The following DLGAP1 variants were observed in gnomAD, a reference collection of about 807,000 sequenced individuals.
DLGAP1 encodes DLG associated protein 1, also known as disks large-associated protein 1.
Under a neutral mutation model 90.8 loss-of-function variants are expected in DLGAP1, and 11 were observed. That is an observed-to-expected ratio of 0.12 (90% CI 0.08 to 0.20). The LOEUF (loss-of-function observed/expected upper bound fraction) is 0.20. Among genes scored for constraint, DLGAP1 ranks in the 10% least tolerant of loss-of-function variants. DLGAP1 has a pLI of 1.00. For missense variants in DLGAP1, 1,050 were observed against 1,333.8 expected (o/e 0.79, Z 3.31); for synonymous variants, 558 against 540.7 (o/e 1.03, Z -0.44).
intron 3 of DLGAP1, among the ~76,000 whole-genome samples, chr18:3,967,724 T>C (rs1379574777): frequency 6.6e-6 from 1 of 152,226 alleles, no homozygotes; most frequent in Non-Finnish European, 1.5e-5. Context: ...TATTTTGTCT[T>C]AAAGAGCATT....
intron 3 of DLGAP1, among the ~76,000 whole-genome samples, chr18:3,923,852 TA>T (rs1466610851): frequency 2.0e-5 from 3 of 152,194 alleles, no homozygotes; most frequent in Non-Finnish European, 4.4e-5. Context: ...AGGAGAATCA[TA>T]AAATTACATC....
At chr18:4,420,901 G>T (rs763695968) in intron 1 of DLGAP1, among the ~76,000 whole-genome samples, 1 of 152,024 alleles carries the variant, frequency 6.6e-6, no homozygotes, top group Non-Finnish European at 1.5e-5. Context: ...TATTGATAAG[G>T]TACCCTTAGT....
intron 1 of DLGAP1, among the ~76,000 whole-genome samples, chr18:4,216,130 T>C (rs2077949043): frequency 6.6e-6 from 1 of 152,018 alleles, no homozygotes; most frequent in Non-Finnish European, 1.5e-5. Flanking sequence ...AAACTTACAA[T>C]CATGGCACAA....
At chr18:3,507,724 C>G (rs913759968) in intron 11 of DLGAP1, among the ~76,000 whole-genome samples, 1 of 141,568 alleles carries the variant, frequency 7.1e-6, no homozygotes, top group East Asian at 2.1e-4. Flanking sequence ...GCAATAAAAG[C>G]TATTCTTGAA....
chr18:4,158,405 C>T (rs1014896420), intron 1 of DLGAP1, among the ~76,000 whole-genome samples: 1 of 152,090 alleles, frequency 6.6e-6, no homozygotes, highest in African/African-American at 2.4e-5. Flanking sequence ...TCCTGCTTTC[C>T]GAATAAGGGA....
rs1568498985 is a variant in DLGAP1 at position 4,299,289 on chromosome 18, CCTG to C, written c.-266-148005_-266-148003del. Among the ~76,000 whole-genome samples the C allele has an allele frequency of 7.9e-5, 12 of 152,100 alleles. No homozygotes were observed. In the South Asian group the frequency reaches 2.5e-3, roughly 32 times the overall value. On this transcript the variant is annotated intron_variant, in intron 1 of 12. Coordinates refer to ENST00000315677, the MANE Select transcript of DLGAP1 (RefSeq NM_004746.4). ...TAACAGTAGCTCCATTTGACAGTGC[CCTG>C]CTAACACAAATTCATTTTGAAAGAA...
intron 4 of DLGAP1, chr18:3,874,888 T>A (rs2070957228): frequency 1.3e-6 from 1 of 767,010 alleles, no homozygotes. Flanking sequence ...TTGACCGTAT[T>A]AACTGGGACT....
intron 7 of DLGAP1, among the ~76,000 whole-genome samples, chr18:3,720,139 T>C (rs1416457308): frequency 6.6e-6 from 1 of 152,200 alleles, no homozygotes; most frequent in Non-Finnish European, 1.5e-5. Flanking sequence ...ATTCTAGGGA[T>C]AAAAGCTAAT....
intron 1 of DLGAP1, among the ~76,000 whole-genome samples, chr18:4,170,110 C>G (rs1190985650): frequency 1.3e-5 from 2 of 151,984 alleles, no homozygotes; most frequent in Non-Finnish European, 2.9e-5. Flanking sequence ...CTTCCATCAT[C>G]AAGTGATGAT....
intron 3 of DLGAP1, among the ~76,000 whole-genome samples, chr18:3,932,427 G>A (rs913203602): frequency 6.6e-6 from 1 of 152,196 alleles, no homozygotes; most frequent in East Asian, 1.9e-4. Context: ...ACCCCCACAA[G>A]GACTGTGCCA....
At chr18:3,728,738 T>C (rs541105384) in intron 7 of DLGAP1, among the ~76,000 whole-genome samples, 90 of 152,314 alleles carry the variant, frequency 5.9e-4, no homozygotes, top group African/African-American at 2.0e-3. Context: ...ATTTCAATTC[T>C]GTGATGGGTC....
chr18:3,926,409 T>TAC lies in DLGAP1; in HGVS notation c.-72-46270_-72-46269insGT, dbSNP rs1325582316. Among the ~76,000 whole-genome samples, 291 of 36,046 alleles carry TAC rather than the reference T, an allele frequency of 8.1e-3. 2 individuals are homozygous for TAC. Among genetic ancestry groups the TAC allele is most frequent in the African/African-American group, 0.024 (280 of 11,662 alleles). The allele number at this position is 36,046 out of a possible 152,430, so 23.6% of individuals were successfully genotyped here. ...CTAGTGTAAGCAAATGACATATATA[T>TAC]ATATATATATATACACACACACACA... On this transcript the variant is annotated intron_variant, in intron 3 of 12. Transcript: ENST00000315677.
intron 7 of DLGAP1, among the ~76,000 whole-genome samples, chr18:3,663,256 A>T (rs1480465421): frequency 6.6e-6 from 1 of 151,540 alleles, no homozygotes; most frequent in Non-Finnish European, 1.5e-5. Flanking sequence ...GGGCAAGGAG[A>T]GCAAGACTCC....
intron 1 of DLGAP1, among the ~76,000 whole-genome samples, chr18:4,435,833 A>G (rs1016435760): frequency 6.6e-6 from 1 of 152,220 alleles, no homozygotes; most frequent in African/African-American, 2.4e-5. Context: ...CCAGGTTAGC[A>G]TCATGTCACA....
intron 1 of DLGAP1, among the ~76,000 whole-genome samples, chr18:4,257,553 C>T (rs2078913756): frequency 6.6e-6 from 1 of 152,106 alleles, no homozygotes; most frequent in South Asian, 2.1e-4. Flanking sequence ...TCAATGATCT[C>T]CTAGAATTTT....
chr18:3,891,099 C>A (rs2071447002), intron 3 of DLGAP1, among the ~76,000 whole-genome samples: 1 of 152,184 alleles, frequency 6.6e-6, no homozygotes, highest in Non-Finnish European at 1.5e-5. Flanking sequence ...CCTTCAACTT[C>A]CTGTCTCATA....
intron 7 of DLGAP1, among the ~76,000 whole-genome samples, chr18:3,689,688 T>C (rs2060826280): frequency 6.6e-6 from 1 of 152,190 alleles, no homozygotes; most frequent in African/African-American, 2.4e-5. Context: ...ACTAGGCCAA[T>C]GTGCCATAAT....
chr18:3,515,945 T>C (rs905957885), intron 10 of DLGAP1, among the ~76,000 whole-genome samples: 1 of 152,174 alleles, frequency 6.6e-6, no homozygotes, highest in Non-Finnish European at 1.5e-5. Context: ...TCTTGGCTCA[T>C]CCATAAGAAG....
At chr18:3,993,665 CA>C (rs1324065181) in intron 3 of DLGAP1, among the ~76,000 whole-genome samples, 1 of 152,082 alleles carries the variant, frequency 6.6e-6, no homozygotes, top group Non-Finnish European at 1.5e-5. Flanking sequence ...AAACGTGGTC[CA>C]GACTGGGGAT....
Sources: gnomAD v4.1 joint callset for allele counts (sites outside exome capture counted in the v4.1 genomes callset) on GRCh38, gnomAD v4.1.1 for gene constraint, MANE v1.5 for transcripts, NCBI Gene and HGNC (gene_info 2026-07-23, HGNC 2026-07-21) for gene names.